The following KAZN variants were observed in gnomAD, a reference collection of about 807,000 sequenced individuals.
KAZN encodes kazrin.
KAZN carries 40 observed loss-of-function variants against 87.4 expected under a neutral mutation model. The ratio of observed to expected loss-of-function variants is 0.46; its 90% CI spans 0.36 to 0.60. The LOEUF is 0.60. Among genes scored for constraint, KAZN ranks in the 20% least tolerant of loss-of-function variants. The pLI, the probability that KAZN is intolerant of heterozygous loss-of-function variation, is 0.00. For synonymous variants in KAZN, 466 were observed against 458.3 expected, an observed-to-expected ratio of 1.02 and a Z score of -0.22; for missense variants, 898 against 1,073.9, an observed-to-expected ratio of 0.84 and a Z score of 2.29.
At chr1:14,364,913 G>A (rs917511994) in intron 2 of KAZN, among the ~76,000 whole-genome samples, 2 of 151,972 alleles carry the variant, frequency 1.3e-5, no homozygotes, top group Admixed American at 6.6e-5. Flanking sequence ...GTTTTGTTTT[G>A]TTTGTTTGTT....
chr1:14,573,984 AG>A (rs1368971585), intron 2 of KAZN, among the ~76,000 whole-genome samples: 2 of 152,170 alleles, frequency 1.3e-5, no homozygotes, highest in African/African-American at 4.8e-5. Flanking sequence ...CTATTGATCT[AG>A]TCAATTTTCC....
chr1:14,798,574 A>AG (rs1645905060), intron 1 of KAZN, among the ~76,000 whole-genome samples: 2 of 150,868 alleles, frequency 1.3e-5, no homozygotes, highest in Non-Finnish European at 3.0e-5. Context: ...AGCTGGGACT[A>AG]CAGGCGCCCG....
chr1:14,145,393 A>T (rs1452590277), intron 1 of KAZN, among the ~76,000 whole-genome samples: 1 of 152,072 alleles, frequency 6.6e-6, no homozygotes, highest in Non-Finnish European at 1.5e-5. Flanking sequence ...GCAGTGAGCT[A>T]TGATTGCACT....
At chr1:15,106,122 A>G (rs1230601366) in intron 13 of KAZN, among the ~76,000 whole-genome samples, 1 of 152,126 alleles carries the variant, frequency 6.6e-6, no homozygotes, top group Non-Finnish European at 1.5e-5. Context: ...TCTACTAAAA[A>G]TTAAAAAAAT....
intron 2 of KAZN, among the ~76,000 whole-genome samples, chr1:14,425,220 T>G (rs1284786333): frequency 6.6e-6 from 1 of 152,186 alleles, no homozygotes; most frequent in African/African-American, 2.4e-5. Context: ...AATGCCTGGC[T>G]TTAGGGTCAG....
intron 1 of KAZN, among the ~76,000 whole-genome samples, chr1:14,610,389 AT>A (rs1557835006): frequency 6.6e-6 from 1 of 151,410 alleles, no homozygotes; most frequent in Non-Finnish European, 1.5e-5. Context: ...TGCCTGGCTA[AT>A]TTTTTTGTAT....
chr1:15,037,425 G>A (rs1051499244), intron 3 of KAZN, among the ~76,000 whole-genome samples: 4 of 152,142 alleles, frequency 2.6e-5, no homozygotes, highest in African/African-American at 9.7e-5. Flanking sequence ...CTCTGCACTC[G>A]CTATGGGGGT....
At chr1:14,038,017 G>A (rs553157607) in intron 1 of KAZN, among the ~76,000 whole-genome samples, 45 of 152,238 alleles carry the variant, frequency 3.0e-4, no homozygotes, top group African/African-American at 1.0e-3. Context: ...CCACCCACCT[G>A]TCCATCCATC....
intron 1 of KAZN, among the ~76,000 whole-genome samples, chr1:14,641,720 G>T (rs997718155): frequency 6.6e-6 from 1 of 152,196 alleles, no homozygotes; most frequent in Non-Finnish European, 1.5e-5. Context: ...CCTTCGTTAC[G>T]AGAAAGGCGA....
chr1:14,830,905 C>G (rs1375217691), intron 1 of KAZN, among the ~76,000 whole-genome samples: 1 of 152,194 alleles, frequency 6.6e-6, no homozygotes, highest in Non-Finnish European at 1.5e-5. Context: ...GGACTGAGCA[C>G]CAGGCAGTCC....
At chr1:14,680,799 T>G (rs796920719) in intron 1 of KAZN, among the ~76,000 whole-genome samples, 9 of 152,334 alleles carry the variant, frequency 5.9e-5, no homozygotes, top group South Asian at 2.1e-4. Flanking sequence ...CTGAGGAGTA[T>G]TACATGGTAT....
intron 2 of KAZN, among the ~76,000 whole-genome samples, chr1:14,384,800 G>C (rs1049377004): frequency 6.6e-6 from 1 of 151,764 alleles, no homozygotes; most frequent in African/African-American, 2.4e-5. Flanking sequence ...GTCTCTGCCC[G>C]GCTTTGGTAT....
chr1:13,951,924 G>A lies in KAZN; in HGVS notation c.91+58168G>A, dbSNP rs559839055. Among the ~76,000 whole-genome samples, 193 of 152,274 alleles carry A rather than the reference G, an allele frequency of 1.3e-3. 1 individual carries two copies. Among genetic ancestry groups the A allele is most frequent in the Non-Finnish European group, 2.5e-3 (167 of 68,024 alleles). On this transcript the variant is annotated intron_variant, in intron 1 of 16. Coordinates refer to the KAZN transcript ENST00000636203. ...CTTGGTGGTTATCTGGCCTGCCCTAGCTGTGCTATTTATTATCAGTTGGGT... is the reference window on the plus strand; with the variant it reads ...CTTGGTGGTTATCTGGCCTGCCCTAACTGTGCTATTTATTATCAGTTGGGT...
At chr1:14,547,599 T>C (rs1673236982) in intron 2 of KAZN, among the ~76,000 whole-genome samples, 2 of 152,200 alleles carry the variant, frequency 1.3e-5, no homozygotes, top group African/African-American at 4.8e-5. Flanking sequence ...GCTGTTGTTG[T>C]TGTTACAGAG....
At chr1:14,380,195 TAG>T (rs2101045543) in intron 2 of KAZN, among the ~76,000 whole-genome samples, 1 of 152,310 alleles carries the variant, frequency 6.6e-6, no homozygotes, top group Non-Finnish European at 1.5e-5. Context: ...AGATATGACT[TAG>T]ACCACAACAC....
chr1:14,686,315 G>A (rs1018044752), intron 1 of KAZN, among the ~76,000 whole-genome samples: 2 of 151,974 alleles, frequency 1.3e-5, no homozygotes, highest in East Asian at 1.9e-4. Flanking sequence ...CACCTGCCTC[G>A]ACCTCCCAAA....
chr1:14,214,342 G>A (rs1646916074), intron 2 of KAZN, among the ~76,000 whole-genome samples: 1 of 152,056 alleles, frequency 6.6e-6, no homozygotes, highest in African/African-American at 2.4e-5. Flanking sequence ...TGCCAGTGGG[G>A]GCTGTGTTGG....
chr1:14,163,671 TAGTG>T (rs1220324755), intron 1 of KAZN, among the ~76,000 whole-genome samples: 1 of 152,172 alleles, frequency 6.6e-6, no homozygotes, highest in Non-Finnish European at 1.5e-5. Context: ...ATTATTATTT[TAGTG>T]AGAGAGTTTA....
chr1:14,475,875 T>A (rs1185789113), intron 2 of KAZN, among the ~76,000 whole-genome samples: 3 of 152,220 alleles, frequency 2.0e-5, no homozygotes, highest in Non-Finnish European at 4.4e-5. Context: ...TCAGATAGTC[T>A]GAGAAAGAAA....
Sources: allele counts gnomAD v4.1 joint callset (sites outside exome capture counted in the v4.1 genomes callset), GRCh38; gene constraint gnomAD v4.1.1; transcripts MANE v1.5; gene names NCBI Gene and HGNC (gene_info 2026-07-23, HGNC 2026-07-21).